Variants in GTF2H3 observed in about 807,000 individuals in gnomAD.
The protein encoded by GTF2H3 is general transcription factor IIH subunit 3.
A neutral mutation model predicts 51.1 loss-of-function variants in GTF2H3; 42 were observed. The ratio of observed to expected loss-of-function variants is 0.82; its 90% confidence interval spans 0.64 to 1.06. The LOEUF is 1.06. Among genes scored for constraint, GTF2H3 ranks in the 50% least tolerant of loss-of-function variants. The pLI is 0.00. For missense variants in GTF2H3, 326 were observed against 366.1 expected (o/e 0.89, Z 0.89); for synonymous variants, 123 against 123.8 (o/e 0.99, Z 0.04).
intron 7 of GTF2H3, among the ~76,000 whole-genome samples, chr12:123,653,058 G>A (rs1955538889): frequency 6.6e-6 from 1 of 151,808 alleles, no homozygotes; most frequent in Non-Finnish European, 1.5e-5. Context: ...TCACACCACT[G>A]CACTCTAGCC....
At chr12:123,656,468 A>G (rs1400158570) in intron 9 of GTF2H3, among the ~76,000 whole-genome samples, 3 of 152,226 alleles carry the variant, frequency 2.0e-5, no homozygotes, top group South Asian at 2.1e-4. Context: ...TGTCTCTGCC[A>G]TGAATTCACA....
chr12:123,659,235 C>T lies in GTF2H3; in HGVS notation c.616-281C>T, dbSNP rs11573001. 86 of 370,680 alleles carry T rather than the reference C, an allele frequency of 2.3e-4. No individual in the cohort carries two copies. The Middle Eastern group carries it at 3.4e-3, about 14-fold the overall frequency. The allele number at this position is 370,680 out of a possible 1,614,324, so 23.0% of individuals were successfully genotyped here. A position where few individuals can be genotyped will look rare whatever the true frequency, so the allele number is the denominator to read the frequency against. Reference sequence around the variant, plus strand: ...TACAAAAATTAGCCAGGCATGGTGGCGCATGCCTGTAATCCCAGTTACTGG... The same window carrying T: ...TACAAAAATTAGCCAGGCATGGTGGTGCATGCCTGTAATCCCAGTTACTGG... On this transcript the variant is annotated intron_variant, in intron 9 of 12. Transcript: ENST00000543341.
chr12:123,640,899 G>A (rs1312343652), intron 2 of GTF2H3, among the ~76,000 whole-genome samples: 1 of 152,154 alleles, frequency 6.6e-6, no homozygotes, highest in East Asian at 1.9e-4. Flanking sequence ...CAAGTTTACT[G>A]ACCTCTGGCC....
chr12:123,641,487 A>T lies in GTF2H3; in HGVS notation c.93+2144A>T, dbSNP rs533397419. Among the ~76,000 whole-genome samples, 35 of 151,240 alleles carry T rather than the reference A, an allele frequency of 2.3e-4. 1 individual carries two copies. On this transcript the variant is annotated intron_variant, in intron 2 of 12. Coordinates refer to ENST00000543341, the MANE Select transcript of GTF2H3 (RefSeq NM_001516.5). ...GTGATCTGCCTGCCTCGACCTCCCAAAGTGCTGGGGTTACAGGCATGAGCC... is the reference window on the plus strand; with the variant it reads ...GTGATCTGCCTGCCTCGACCTCCCATAGTGCTGGGGTTACAGGCATGAGCC...
In GTF2H3 at chr12:123,645,566, G is replaced by T; in HGVS notation, c.200+5G>T. On this transcript the variant is annotated splice_donor_5th_base_variant and intron_variant, in intron 3 of 12. Transcript: ENST00000543341. ...AGCAAGTCACATTCAAGAAAGGTATGACCATTGTGATTGCTTTTGCTCTTC... is the reference window on the plus strand; with the variant it reads ...AGCAAGTCACATTCAAGAAAGGTATTACCATTGTGATTGCTTTTGCTCTTC... The T allele has an allele frequency of 1.4e-6, 2 of 1,465,274 alleles. No individual in the cohort carries two copies. The highest frequency in any genetic ancestry group is 2.3e-5 in the South Asian group (2 of 87,808). 90.8% of individuals were successfully genotyped at this position (1,465,274 alleles called of 1,614,324 possible).
chr12:123,639,481 A>T lies in GTF2H3; in HGVS notation c.93+138A>T, dbSNP rs1955337015. 5 of 552,018 alleles carry T rather than the reference A, an allele frequency of 9.1e-6. No individual in the cohort carries two copies. The South Asian group carries it at 1.4e-4, about 15-fold the overall frequency. The allele number at this position is 552,018 out of a possible 1,614,324, so 34.2% of individuals were successfully genotyped here. ...ACTGTACAATTCAGTGATTTTTTTT[A>T]AGTAAATTTGCGAAGTTGTGTAACC... On this transcript the variant is annotated intron_variant, in intron 2 of 12. Coordinates refer to ENST00000543341, the MANE Select transcript of GTF2H3 (RefSeq NM_001516.5).
intron 3 of GTF2H3, 105 bp from the exon 4 acceptor site, chr12:123,647,858 A>G (rs1282271561): frequency 3.1e-6 from 2 of 642,110 alleles, no homozygotes; most frequent in Non-Finnish European, 2.6e-6. Flanking sequence ...TGAGTCCCAC[A>G]TTGTTGTAAT....
chr12:123,635,430 G>C (rs1296426823), intron 1 of GTF2H3, among the ~76,000 whole-genome samples: 2 of 151,992 alleles, frequency 1.3e-5, no homozygotes, highest in Non-Finnish European at 2.9e-5. Flanking sequence ...AAAATTAACC[G>C]GACAAGGTGG....
At chr12:123,636,925 A>C (rs1955293156) in intron 1 of GTF2H3, among the ~76,000 whole-genome samples, 1 of 152,156 alleles carries the variant, frequency 6.6e-6, no homozygotes, top group African/African-American at 2.4e-5. Context: ...CTCAAAAAAA[A>C]AAAATAATAA....
Position 123,660,416 on chromosome 12 carries a change from G to A in GTF2H3, c.*181G>A, listed in dbSNP as rs11573009. 528 of 535,604 alleles carry A rather than the reference G, an allele frequency of 9.9e-4. No individual in the cohort carries two copies. Among genetic ancestry groups the A allele is most frequent in the African/African-American group, 8.0e-3 (416 of 52,224 alleles). 33.2% of individuals were successfully genotyped at this position (535,604 alleles called of 1,614,324 possible). On this transcript the variant is annotated 3_prime_UTR_variant, in exon 13 of 13. Transcript: ENST00000543341. ...GCTTCTGGAGGACTGATTTGTTTGA[G>A]GGAATCATTCTATGCATTATATCCT...
intron 3 of GTF2H3, among the ~76,000 whole-genome samples, chr12:123,646,730 A>G (rs1424657904): frequency 1.3e-5 from 2 of 151,872 alleles, no homozygotes; most frequent in East Asian, 3.9e-4. Flanking sequence ...TCCTCGCTGC[A>G]TATTTTTTCT....
At chr12:123,657,481 C>T (rs1359233786) in intron 9 of GTF2H3, among the ~76,000 whole-genome samples, 2 of 152,190 alleles carry the variant, frequency 1.3e-5, no homozygotes, top group Non-Finnish European at 2.9e-5. Context: ...AAGCTCTTCC[C>T]GCAGGTGTTT....
intron 1 of GTF2H3, among the ~76,000 whole-genome samples, chr12:123,637,006 G>A (rs1955294112): frequency 6.6e-6 from 1 of 152,156 alleles, no homozygotes; most frequent in African/African-American, 2.4e-5. Context: ...GATCACTTGA[G>A]CCCAGGAGGT....
At chr12:123,649,980 T>C (rs1955500130) in intron 4 of GTF2H3, 1 of 152,238 alleles carries the variant, frequency 6.6e-6, no homozygotes, top group South Asian at 2.1e-4. Flanking sequence ...TCACTGGATC[T>C]AGGGAGGTCC....
At chr12:123,643,884 G>A (rs185954967) in intron 2 of GTF2H3, among the ~76,000 whole-genome samples, 236 of 152,296 alleles carry the variant, frequency 1.5e-3, no homozygotes, top group Admixed American at 2.5e-3. Flanking sequence ...AGGCTAGAGT[G>A]CAGTGGCACG....
At chr12:123,634,912 G>A (rs1198630872) in intron 1 of GTF2H3, among the ~76,000 whole-genome samples, 1 of 152,220 alleles carries the variant, frequency 6.6e-6, no homozygotes, top group Non-Finnish European at 1.5e-5. Flanking sequence ...GCCAGAAAGT[G>A]TTATGATCTG....
At chr12:123,643,859 G>T (rs1029258217) in intron 2 of GTF2H3, among the ~76,000 whole-genome samples, 2 of 144,712 alleles carry the variant, frequency 1.4e-5, no homozygotes, top group Non-Finnish European at 3.0e-5. Flanking sequence ...TTTTGAGATG[G>T]AGTCTTTGTC....
At position 123,649,471 on chromosome 12, in the gene GTF2H3, C is replaced by T. The variant is rs1273512488; in HGVS notation, c.364+1345C>T. 4 of 152,388 alleles carry T rather than the reference C, an allele frequency of 2.6e-5. No individual in the cohort carries two copies. In the East Asian group the frequency reaches 7.7e-4, roughly 29 times the overall value. 9.4% of individuals were successfully genotyped at this position (152,388 alleles called of 1,614,324 possible). ...CCAGATGCCCCCTGTAGGGCACATT[C>T]ACCCCACGTTTAGAGCCACTGCTCT... On this transcript the variant is annotated intron_variant, in intron 4 of 12. Coordinates refer to ENST00000543341, the MANE Select transcript of GTF2H3 (RefSeq NM_001516.5).
chr12:123,662,552 GC>G lies in GTF2H3; in HGVS notation c.*2320del, dbSNP rs1300515144. On this transcript the variant is annotated 3_prime_UTR_variant, in exon 13 of 13. Coordinates refer to ENST00000543341, the MANE Select transcript of GTF2H3 (RefSeq NM_001516.5). ...TCTGTTTAACTTGTTTTTAACTGTT[GC>G]CCTTATGAGTTATTTTATATAAATT... 1.3e-5 allele frequency: 2 copies of G among 151,822 alleles called. No individual in the cohort carries two copies. The highest frequency in any genetic ancestry group is 4.8e-5 in the African/African-American group (2 of 41,322). 9.4% of individuals were successfully genotyped at this position (151,822 alleles called of 1,614,324 possible). A position where few individuals can be genotyped will look rare whatever the true frequency, so the allele number is the denominator to read the frequency against.
Sources: allele counts gnomAD v4.1 joint callset (sites outside exome capture counted in the v4.1 genomes callset), GRCh38; gene constraint gnomAD v4.1.1; transcripts MANE v1.5; gene names NCBI Gene and HGNC (gene_info 2026-07-23, HGNC 2026-07-21).